Variants in ARHGEF10L observed in about 807,000 individuals in gnomAD.
ARHGEF10L encodes rho guanine nucleotide exchange factor 10-like protein.
ARHGEF10L carries 69 observed loss-of-function variants against 141.2 expected under a neutral mutation model. The observed-to-expected ratio is 0.49, with a 90% CI of 0.40 to 0.60. The LOEUF (loss-of-function observed/expected upper bound fraction) is 0.60, where lower values mean the gene tolerates loss of function less well. ARHGEF10L is among the 20% of genes least tolerant of loss of function. The probability of loss-of-function intolerance (pLI) is 0.00; values close to 1 mark genes in which losing one functional copy is unlikely to be tolerated. For missense variants in ARHGEF10L, 1,482 were observed against 1,734.3 expected (o/e 0.85, Z 2.58); for synonymous variants, 711 against 718.5 (o/e 0.99, Z 0.17).
intron 26 of ARHGEF10L, among the ~76,000 whole-genome samples, chr1:17,678,555 G>T (rs1010040557): frequency 1.9e-4 from 29 of 152,010 alleles, no homozygotes; most frequent in African/African-American, 6.8e-4. Flanking sequence ...AAGTAGCTGG[G>T]ATTACAGGCA....
rs776341782 is a variant in ARHGEF10L, at chr1:17,697,377, A to G, written c.3837A>G (p.Leu1279=). ...TLLIWQVPLM[L] Reference sequence around the variant, plus strand: ...TCATCTGGCAGGTGCCCTTGATGCTATAGCGCCTCCCCTCTCCCCTCAGAG... The same window carrying G: ...TCATCTGGCAGGTGCCCTTGATGCTGTAGCGCCTCCCCTCTCCCCTCAGAG... The change falls in exon 29 of 29, where the codon CTA becomes CTG. Residue 1279 remains leucine, a synonymous_variant. Coordinates refer to ENST00000361221, the MANE Select transcript of ARHGEF10L (RefSeq NM_018125.4). The surrounding 1 kb of genome is among the most constrained non-coding windows in gnomAD (Gnocchi z 4.8). 6 of 1,586,050 alleles carry G rather than the reference A, an allele frequency of 3.8e-6. No individual in the cohort carries two copies. The highest frequency in any genetic ancestry group is 2.7e-5 in the African/African-American group (2 of 74,504).
rs76880326 is a variant in ARHGEF10L at position 17,619,260 on chromosome 1, G to A, written c.836-79G>A. Reference sequence around the variant, plus strand: ...GACCTGGGTCCAAGGCTGGTCTAGGGGGGCTCTCAGCTCCTGAGGCCTGAG... The same window carrying A: ...GACCTGGGTCCAAGGCTGGTCTAGGAGGGCTCTCAGCTCCTGAGGCCTGAG... On this transcript the variant is annotated intron_variant, in intron 9 of 28. Transcript: ENST00000361221. This position sits in a 1 kb window ranked among gnomAD's most constrained non-coding sequence, Gnocchi z 5.0. 2.8e-3 allele frequency: 3,989 copies of A among 1,414,258 alleles called. 59 individuals carry two copies. Among genetic ancestry groups the A allele is most frequent in the African/African-American group, 0.024 (1,685 of 71,038 alleles). 87.6% of individuals were successfully genotyped at this position (1,414,258 alleles called of 1,614,324 possible).
At chr1:17,653,503 CAG>C (rs1415700929) in intron 22 of ARHGEF10L, among the ~76,000 whole-genome samples, 1 of 152,198 alleles carries the variant, frequency 6.6e-6, no homozygotes, top group Non-Finnish European at 1.5e-5. Flanking sequence ...ACCAAGGGAG[CAG>C]AGAGAGCATC....
chr1:17,664,572 G>C lies in ARHGEF10L; in HGVS notation c.2986G>C (p.Glu996Gln). ...CTGTGGGCCCCGGGTCACTGTCCTG[G>C]AAGCCACCACCCTGCAGCCTCAGGT... is the stretch of plus-strand genomic sequence containing the variant. ...ASCGPRVTVL[E>Q]ATTLQPQQSF... is the part of the protein sequence containing the mutation. Residue 996 changes from glutamate to glutamine, a missense_variant, in exon 26 of 29, where the codon GAA (glutamate) becomes CAA (glutamine). Around this residue, in one of 3 missense-constraint regions of ARHGEF10L, gnomAD observed 858 missense variants for 966.3 expected, o/e 0.89. Transcript: ENST00000361221. 3 of 1,602,180 alleles carry C rather than the reference G, an allele frequency of 1.9e-6. No homozygotes were observed. Among genetic ancestry groups the C allele is most frequent in the Middle Eastern group, 1.7e-4 (1 of 6,018 alleles).
intron 1 of ARHGEF10L, among the ~76,000 whole-genome samples, chr1:17,555,571 TC>T (rs2077274993): frequency 6.6e-6 from 1 of 152,174 alleles, no homozygotes; most frequent in African/African-American, 2.4e-5. Flanking sequence ...GTCAGGCTGG[TC>T]TTGAACTCCT....
chr1:17,577,862 A>G (rs962091376), intron 1 of ARHGEF10L, among the ~76,000 whole-genome samples: 2 of 152,150 alleles, frequency 1.3e-5, no homozygotes, highest in Non-Finnish European at 2.9e-5. Context: ...CGAGAATTAG[A>G]TAGAATAATG....
chr1:17,566,229 C>T (rs1046936137), intron 1 of ARHGEF10L, among the ~76,000 whole-genome samples: 2 of 152,142 alleles, frequency 1.3e-5, no homozygotes, highest in African/African-American at 4.8e-5. Context: ...CTGTCCTGTG[C>T]CCTAAAGGAT....
intron 27 of ARHGEF10L, chr1:17,689,625 C>CTCTCCCTCCCTGCCTCCCTCCCTCCCTCT (rs1481154597): frequency 4.9e-6 from 1 of 204,542 alleles, no homozygotes; most frequent in Non-Finnish European, 9.4e-6. Context: ...CTCCCTCCCT[C>CTCTCCCTCCCTGCCTCCCTCCCTCCCTCT]CTTCCTCCCT....
intron 1 of ARHGEF10L, among the ~76,000 whole-genome samples, chr1:17,540,709 T>G (rs1347804630): frequency 1.3e-5 from 2 of 152,306 alleles, no homozygotes; most frequent in Non-Finnish European, 2.9e-5. Flanking sequence ...GGCCCTGCGT[T>G]GCATCAGTGC....
intron 1 of ARHGEF10L, among the ~76,000 whole-genome samples, chr1:17,556,117 G>T (rs1160642745): frequency 1.1e-5 from 1 of 93,884 alleles, no homozygotes. Flanking sequence ...GAGCATGGGG[G>T]GGGCCTGGAA....
Position 17,573,224 on chromosome 1 carries a change from C to T in ARHGEF10L, c.-43-7329C>T, listed in dbSNP as rs2246282. Among the ~76,000 whole-genome samples, 3 of 152,182 alleles carry T rather than the reference C, an allele frequency of 2.0e-5. No individual in the cohort carries two copies. Among genetic ancestry groups the T allele is most frequent in the Admixed American group, 1.3e-4 (2 of 15,284 alleles). ...AACCCACCTCTCAGGCTGCCTGCAG[C>T]CTAAACACACTCTCATGCTAAGTGG... On this transcript the variant is annotated intron_variant, in intron 1 of 28. Transcript: ENST00000361221. The surrounding 1 kb of genome is among the most constrained non-coding windows in gnomAD (Gnocchi z 4.8).
chr1:17,696,438 G>A (rs10788682), intron 28 of ARHGEF10L, among the ~76,000 whole-genome samples: 116,599 of 151,882 alleles, frequency 0.77, 45,488 homozygotes, highest in South Asian at 0.89. Flanking sequence ...AGGGTGCTCC[G>A]GGGGCTGGGG....
intron 22 of ARHGEF10L, among the ~76,000 whole-genome samples, chr1:17,650,245 T>C (rs2061838767): frequency 6.7e-6 from 1 of 149,724 alleles, no homozygotes; most frequent in Non-Finnish European, 1.5e-5. Context: ...TCCCCATCTC[T>C]ACAAAATAAA....
intron 26 of ARHGEF10L, among the ~76,000 whole-genome samples, chr1:17,665,602 C>T (rs1209578912): frequency 3.3e-5 from 5 of 152,192 alleles, no homozygotes; most frequent in Admixed American, 1.3e-4. Flanking sequence ...CTGCCACTTA[C>T]ATCTGGGCGC....
At chr1:17,593,388 G>A (rs575456232) in intron 4 of ARHGEF10L, among the ~76,000 whole-genome samples, 19 of 152,262 alleles carry the variant, frequency 1.2e-4, no homozygotes, top group South Asian at 2.1e-4. Flanking sequence ...GTGACGCTGC[G>A]TGGCAAAGGG....
intron 1 of ARHGEF10L, among the ~76,000 whole-genome samples, chr1:17,544,315 G>T (rs995295328): frequency 1.3e-5 from 2 of 150,144 alleles, no homozygotes; most frequent in African/African-American, 2.4e-5. Flanking sequence ...TTGAGATGGA[G>T]TTTTGGCTCT....
chr1:17,679,507 C>A (rs1048369578), intron 26 of ARHGEF10L, among the ~76,000 whole-genome samples: 3 of 152,278 alleles, frequency 2.0e-5, no homozygotes, highest in Middle Eastern at 3.4e-3. Context: ...CTGAGCAAAC[C>A]GGGTAGGACT....
At chr1:17,604,401 C>G (rs1440086845) in intron 6 of ARHGEF10L, 1 of 152,184 alleles carries the variant, frequency 6.6e-6, no homozygotes, top group Non-Finnish European at 1.5e-5. Flanking sequence ...GAGGTTAAAT[C>G]ACCAGCCCCA....
rs1388082945 is a variant in ARHGEF10L at position 17,625,413 on chromosome 1, A to G, written c.1318-543A>G. On this transcript the variant is annotated intron_variant, in intron 13 of 28. Coordinates refer to ENST00000361221, the MANE Select transcript of ARHGEF10L (RefSeq NM_018125.4). This position sits in a 1 kb window ranked among gnomAD's most constrained non-coding sequence, Gnocchi z 4.5. Reference sequence around the variant, plus strand: ...TAGACCTCCAGGCCCAGGGCCTAGGATGTAATATTTCAGGTAATGGGGAGC... The same window carrying G: ...TAGACCTCCAGGCCCAGGGCCTAGGGTGTAATATTTCAGGTAATGGGGAGC... Among the ~76,000 whole-genome samples, 1 of 152,118 alleles carries G rather than the reference A, an allele frequency of 6.6e-6. No individual in the cohort carries two copies. Among genetic ancestry groups the G allele is most frequent in the African/African-American group, 2.4e-5 (1 of 41,420 alleles).
Sources: allele counts gnomAD v4.1 joint callset (sites outside exome capture counted in the v4.1 genomes callset), GRCh38; gene constraint gnomAD v4.1.1; regional missense constraint gnomAD v4.1.1; non-coding constraint Gnocchi (gnomAD v3.1); transcripts MANE v1.5; gene names NCBI Gene and HGNC (gene_info 2026-07-23, HGNC 2026-07-21).